PTPRG: variants seen among roughly 807,000 people sequenced by gnomAD.
PTPRG encodes protein tyrosine phosphatase receptor type G, also known as receptor-type tyrosine-protein phosphatase gamma.
Under a neutral mutation model 165.3 loss-of-function variants are expected in PTPRG, and 102 were observed. The observed-to-expected ratio is 0.62, with a 90% CI of 0.53 to 0.73. The LOEUF is 0.73. Ranked by LOEUF, PTPRG falls within the 30% of genes least tolerant of loss-of-function variation. The pLI, the probability that PTPRG is intolerant of heterozygous loss-of-function variation, is 0.00. For missense variants in PTPRG, 1,866 were observed against 1,861.4 expected (o/e 1.00, Z -0.05); for synonymous variants, 675 against 669.5 (o/e 1.01, Z -0.13).
intron 1 of PTPRG, among the ~76,000 whole-genome samples, chr3:61,737,710 G>A (rs1447192699): frequency 6.6e-6 from 1 of 152,048 alleles, no homozygotes; most frequent in Non-Finnish European, 1.5e-5. Context: ...CATGGTTGGA[G>A]TGTCCCCTGT....
At chr3:62,138,210 A>G (rs568969683) in intron 6 of PTPRG, among the ~76,000 whole-genome samples, 6 of 152,336 alleles carry the variant, frequency 3.9e-5, no homozygotes, top group Admixed American at 1.3e-4. Context: ...CATCATTTCC[A>G]TAGTCTAAAA....
At chr3:61,753,957 G>A (rs1006885036) in intron 2 of PTPRG, among the ~76,000 whole-genome samples, 8 of 152,086 alleles carry the variant, frequency 5.3e-5, no homozygotes, top group African/African-American at 1.7e-4. Flanking sequence ...GAGAAAAACA[G>A]GTGGTAGTTT....
chr3:62,040,127 C>T (rs546887802), intron 4 of PTPRG, among the ~76,000 whole-genome samples: 16 of 152,212 alleles, frequency 1.1e-4, no homozygotes, highest in African/African-American at 3.4e-4. Flanking sequence ...ATAGCATGAG[C>T]GTTGCCTCTA....
At chr3:61,669,660 G>A (rs1702914145) in intron 1 of PTPRG, among the ~76,000 whole-genome samples, 1 of 152,182 alleles carries the variant, frequency 6.6e-6, no homozygotes, top group African/African-American at 2.4e-5. Flanking sequence ...TTTACTGCTT[G>A]GAACTATGCT....
intron 6 of PTPRG, among the ~76,000 whole-genome samples, chr3:62,141,488 A>G (rs752892039): frequency 7.9e-5 from 12 of 152,052 alleles, no homozygotes; most frequent in Admixed American, 2.6e-4. Flanking sequence ...AGTCCCAGCT[A>G]TTTTGGGGAG....
At chr3:61,954,066 T>A (rs998400732) in intron 2 of PTPRG, among the ~76,000 whole-genome samples, 2 of 152,144 alleles carry the variant, frequency 1.3e-5, no homozygotes, top group African/African-American at 4.8e-5. Flanking sequence ...GGTCTTCCAG[T>A]TTGTTTTCCT....
At position 61,640,732 on chromosome 3, in the gene PTPRG, T is replaced by C. The variant is rs1702038402; in HGVS notation, c.85+78360T>C. ...AACGAAGTCTAACACAAACTGCAGT[T>C]ATTTAAAAGGCAATGTAGTAATTTA... is the stretch of plus-strand genomic sequence containing the variant. On this transcript the variant is annotated intron_variant, in intron 1 of 29. Transcript: ENST00000474889. 2.0e-5 allele frequency among the ~76,000 whole-genome samples: 3 copies of C among 152,226 alleles called. No homozygotes were observed. In the South Asian group the frequency reaches 6.2e-4, roughly 32 times the overall value.
At chr3:61,952,538 A>G (rs1034009489) in intron 2 of PTPRG, among the ~76,000 whole-genome samples, 3 of 152,186 alleles carry the variant, frequency 2.0e-5, no homozygotes, top group African/African-American at 7.2e-5. Context: ...AGCATGCTCA[A>G]ATTGATATTT....
chr3:62,263,012 C>A, intron 17 of PTPRG, 118 bp downstream of exon 17: 1 of 738,558 alleles, frequency 1.4e-6, no homozygotes, highest in Non-Finnish European at 2.3e-6. Flanking sequence ...TTCTTGCAAG[C>A]TAACCTCTCA....
chr3:62,276,776 T>C, intron 24 of PTPRG, 196 bp from the exon 25 acceptor site: 1 of 558,156 alleles, frequency 1.8e-6, no homozygotes, highest in South Asian at 2.5e-5. Flanking sequence ...CCTGTGTCCT[T>C]CTGGGTATGT....
intron 2 of PTPRG, among the ~76,000 whole-genome samples, chr3:61,866,236 C>T (rs890132174): frequency 3.3e-5 from 5 of 152,126 alleles, no homozygotes; most frequent in African/African-American, 1.2e-4. Flanking sequence ...TATTATATTA[C>T]GCTGCATATT....
intron 6 of PTPRG, among the ~76,000 whole-genome samples, chr3:62,139,239 T>C (rs1256211032): frequency 6.6e-6 from 1 of 151,958 alleles, no homozygotes; most frequent in Non-Finnish European, 1.5e-5. Flanking sequence ...CTGAGGTGGG[T>C]GGATCACCTG....
intron 4 of PTPRG, among the ~76,000 whole-genome samples, chr3:62,047,889 G>C (rs1700348335): frequency 6.6e-6 from 1 of 152,022 alleles, no homozygotes; most frequent in Non-Finnish European, 1.5e-5. Flanking sequence ...ACATTTACAG[G>C]ATCGCAAAAA....
Position 61,702,217 on chromosome 3 carries a change from G to A in PTPRG, c.86-46661G>A, listed in dbSNP as rs2031005026. ...TGTTCTTGAACTGCTGGCCTCAAGT[G>A]ATCTACCCACCTCGGCCTCCCAAAG... On this transcript the variant is annotated intron_variant, in intron 1 of 29. Coordinates refer to ENST00000474889, the MANE Select transcript of PTPRG (RefSeq NM_002841.4). 2.6e-5 allele frequency among the ~76,000 whole-genome samples: 4 copies of A among 152,156 alleles called. No homozygotes were observed. The South Asian group carries it at 8.3e-4, about 32-fold the overall frequency.
intron 5 of PTPRG, among the ~76,000 whole-genome samples, chr3:62,092,657 C>G (rs1371735632): frequency 6.6e-6 from 1 of 152,094 alleles, no homozygotes; most frequent in Non-Finnish European, 1.5e-5. Context: ...TTCTGTGCCT[C>G]AGTTTCCTCA....
At chr3:61,745,693 T>C (rs868023020) in intron 1 of PTPRG, among the ~76,000 whole-genome samples, 1 of 152,216 alleles carries the variant, frequency 6.6e-6, no homozygotes, top group Non-Finnish European at 1.5e-5. Flanking sequence ...GTCCTGTTGC[T>C]CAAGTCCAAT....
chr3:61,677,274 C>G (rs957196514), intron 1 of PTPRG, among the ~76,000 whole-genome samples: 2 of 150,636 alleles, frequency 1.3e-5, no homozygotes, highest in Non-Finnish European at 2.9e-5. Flanking sequence ...AGAATCACTA[C>G]CTCTTCTTAT....
chr3:61,797,183 T>G (rs1029153530), intron 2 of PTPRG, among the ~76,000 whole-genome samples: 2 of 152,238 alleles, frequency 1.3e-5, no homozygotes, highest in South Asian at 2.1e-4. Flanking sequence ...TGATGCTTAC[T>G]GTGTTCTAGC....
rs190488322 is a variant in PTPRG at position 61,724,631 on chromosome 3, T to G, written c.86-24247T>G. 1.8e-4 allele frequency among the ~76,000 whole-genome samples: 27 copies of G among 152,276 alleles called. 1 individual carries two copies. The East Asian group carries it at 3.5e-3, about 20-fold the overall frequency. ...CAATGCATAAGAGATCCAGTTTTTT[T>G]GCATCCACCCCAGCAGCTTTTGGTA... On this transcript the variant is annotated intron_variant, in intron 1 of 29. Coordinates refer to ENST00000474889, the MANE Select transcript of PTPRG (RefSeq NM_002841.4).
Sources: allele counts gnomAD v4.1 joint callset (sites outside exome capture counted in the v4.1 genomes callset), GRCh38; gene constraint gnomAD v4.1.1; transcripts MANE v1.5; gene names NCBI Gene and HGNC (gene_info 2026-07-23, HGNC 2026-07-21).